Variants in OPCML observed in about 807,000 individuals in gnomAD.
The protein encoded by OPCML is opioid binding protein/cell adhesion molecule like, also known as opioid-binding protein/cell adhesion molecule.
In OPCML, 13 loss-of-function variants were observed where a neutral mutation model predicts 37.8. The observed-to-expected ratio is 0.34, with a 90% confidence interval of 0.22 to 0.55. OPCML has a LOEUF of 0.55. Among genes scored for constraint, OPCML ranks in the 20% least tolerant of loss-of-function variants. The pLI, the probability that OPCML is intolerant of heterozygous loss-of-function variation, is 0.91. For missense variants in OPCML, 341 were observed against 435.6 expected, an observed-to-expected ratio of 0.78 and a Z score of 1.93; for synonymous variants, 176 against 168.8, an observed-to-expected ratio of 1.04 and a Z score of -0.33.
intron 1 of OPCML, among the ~76,000 whole-genome samples, chr11:133,169,968 T>C (rs563584450): frequency 6.7e-6 from 1 of 150,310 alleles, no homozygotes; most frequent in South Asian, 2.2e-4. Context: ...GAACATTGTA[T>C]GAGTGTTTCT....
intron 2 of OPCML, among the ~76,000 whole-genome samples, chr11:132,900,759 T>G (rs1944031964): frequency 2.0e-5 from 3 of 152,170 alleles, no homozygotes; most frequent in South Asian, 4.1e-4. Flanking sequence ...CCTTCATGTC[T>G]ACAGTCAGAG....
intron 2 of OPCML, among the ~76,000 whole-genome samples, chr11:132,710,704 A>AAT (rs1944226893): frequency 7.4e-6 from 1 of 134,858 alleles, no homozygotes; most frequent in Admixed American, 7.7e-5. Context: ...AAAAAAAAAA[A>AAT]ATTAGCCAGG....
chr11:132,890,954 C>A (rs1019371147), intron 2 of OPCML, among the ~76,000 whole-genome samples: 2 of 151,816 alleles, frequency 1.3e-5, no homozygotes, highest in Non-Finnish European at 2.9e-5. Context: ...CAGCAAAGCA[C>A]TAACACTCTT....
chr11:132,425,253 C>G (rs1271789282), intron 7 of OPCML, among the ~76,000 whole-genome samples: 1 of 151,242 alleles, frequency 6.6e-6, no homozygotes, highest in Non-Finnish European at 1.5e-5. Flanking sequence ...AATAAATAAA[C>G]AAATAAACAG....
rs368654142 is a variant in OPCML at position 132,735,727 on chromosome 11, C to T, written c.147-78408G>A. 5.7e-4 allele frequency among the ~76,000 whole-genome samples: 87 copies of T among 152,294 alleles called. 1 individual carries two copies. In the South Asian group the frequency reaches 0.012, roughly 21 times the overall value. On this transcript the variant is annotated intron_variant, in intron 2 of 7. Coordinates refer to ENST00000524381, the MANE Select transcript of OPCML (RefSeq NM_001012393.5). ...CTCGATCTCCTGACCTTGTGATCCGCCTGCCTCGGCCTCCCAAAGTGCTGG... is the reference window on the plus strand; with the variant it reads ...CTCGATCTCCTGACCTTGTGATCCGTCTGCCTCGGCCTCCCAAAGTGCTGG...
At chr11:132,622,875 C>G (rs189776110) in intron 3 of OPCML, among the ~76,000 whole-genome samples, 1 of 152,262 alleles carries the variant, frequency 6.6e-6, no homozygotes, top group East Asian at 1.9e-4. Context: ...AATTTGGAAT[C>G]AGAAACCTGG....
intron 1 of OPCML, among the ~76,000 whole-genome samples, chr11:133,479,637 C>T (rs1490776247): frequency 6.6e-6 from 1 of 152,196 alleles, no homozygotes; most frequent in Non-Finnish European, 1.5e-5. Context: ...GGTCAAGCGT[C>T]ACACAATTGA....
At position 133,208,981 on chromosome 11, in the gene OPCML, C is replaced by T. The variant is rs476070; in HGVS notation, c.62-265971G>A. Among the ~76,000 whole-genome samples the T allele has an allele frequency of 0.068, 10,387 of 152,206 alleles. 411 individuals are homozygous for T. Among genetic ancestry groups the T allele is most frequent in the Non-Finnish European group, 0.094 (6,364 of 68,002 alleles). On this transcript the variant is annotated intron_variant, in intron 1 of 7. Transcript: ENST00000524381. This position sits in a 1 kb window ranked among gnomAD's most constrained non-coding sequence, Gnocchi z 8.9. ...AATAATAAAAAAATTACCTGAAATG[C>T]TGTCCTACATTCTCTTCACATGACC...
chr11:132,791,700 A>G (rs1937919640), intron 2 of OPCML, among the ~76,000 whole-genome samples: 1 of 152,144 alleles, frequency 6.6e-6, no homozygotes, highest in South Asian at 2.1e-4. Flanking sequence ...CTGCCTCATA[A>G]ATAGGCACAG....
intron 2 of OPCML, among the ~76,000 whole-genome samples, chr11:132,849,003 G>A (rs975534252): frequency 1.6e-4 from 25 of 152,216 alleles, no homozygotes; most frequent in African/African-American, 5.8e-4. Context: ...CACAATCACA[G>A]TGTTGGCAAC....
At chr11:132,557,958 G>T (rs907987041) in intron 3 of OPCML, among the ~76,000 whole-genome samples, 1 of 152,076 alleles carries the variant, frequency 6.6e-6, no homozygotes, top group Non-Finnish European at 1.5e-5. Context: ...TCTTCTATCA[G>T]GTGGAACAAA....
chr11:132,919,495 G>T (rs1256131835), intron 2 of OPCML, among the ~76,000 whole-genome samples: 1 of 152,216 alleles, frequency 6.6e-6, no homozygotes, highest in African/African-American at 2.4e-5. Flanking sequence ...GTTCTCAGGA[G>T]TTAGGGTCCA....
intron 4 of OPCML, among the ~76,000 whole-genome samples, chr11:132,443,993 A>G (rs1231701679): frequency 1.3e-5 from 2 of 152,208 alleles, no homozygotes; most frequent in African/African-American, 4.8e-5. Flanking sequence ...AGAATTAGAG[A>G]CAGTGGGACT....
intron 1 of OPCML, among the ~76,000 whole-genome samples, chr11:133,443,226 T>C (rs1946400155): frequency 6.6e-6 from 1 of 152,190 alleles, no homozygotes; most frequent in African/African-American, 2.4e-5. Flanking sequence ...TTCAGGGTGC[T>C]TGAAAGAGCC....
At chr11:133,050,720 C>CTTTT (rs71038515) in intron 1 of OPCML, among the ~76,000 whole-genome samples, 1 of 144,052 alleles carries the variant, frequency 6.9e-6, no homozygotes. Flanking sequence ...CTTCTTCTTC[C>CTTTT]TTTTTTTTTT....
chr11:133,215,117 G>C (rs1201944245), intron 1 of OPCML, among the ~76,000 whole-genome samples: 2 of 152,164 alleles, frequency 1.3e-5, no homozygotes, highest in Non-Finnish European at 2.9e-5. Flanking sequence ...GGCTTAAGCA[G>C]CTGTAAACCA....
intron 4 of OPCML, among the ~76,000 whole-genome samples, chr11:132,510,496 G>C (rs1010952422): frequency 2.0e-5 from 3 of 152,100 alleles, no homozygotes; most frequent in Non-Finnish European, 4.4e-5. Context: ...CAGAATTCCC[G>C]TATGTTCTGG....
intron 1 of OPCML, among the ~76,000 whole-genome samples, chr11:133,333,677 A>C (rs1178380419): frequency 6.6e-6 from 1 of 152,234 alleles, no homozygotes; most frequent in Non-Finnish European, 1.5e-5. Context: ...GTGCAGCGAA[A>C]GAAACTATCA....
chr11:133,497,374 T>A (rs923957702), intron 1 of OPCML, among the ~76,000 whole-genome samples: 39 of 152,308 alleles, frequency 2.6e-4, no homozygotes, highest in African/African-American at 9.4e-4. Flanking sequence ...GATAGTTTTT[T>A]CTTTAAGCTA....
Sources: gnomAD v4.1 joint callset for allele counts (sites outside exome capture counted in the v4.1 genomes callset) on GRCh38, gnomAD v4.1.1 for gene constraint, Gnocchi (gnomAD v3.1) non-coding constraint, MANE v1.5 for transcripts, NCBI Gene and HGNC (gene_info 2026-07-23, HGNC 2026-07-21) for gene names.